Variants in CYP4F22 observed in about 807,000 individuals in gnomAD.
The protein encoded by CYP4F22 is cytochrome P450 family 4 subfamily F member 22, also known as ultra-long-chain fatty acid omega-hydroxylase.
A neutral mutation model predicts 60.4 loss-of-function variants in CYP4F22; 37 were observed. The observed-to-expected ratio is 0.61, with a 90% confidence interval of 0.47 to 0.81. CYP4F22 has a LOEUF of 0.81. Ranked by LOEUF, CYP4F22 falls within the 30% of genes least tolerant of loss-of-function variation. The probability of loss-of-function intolerance (pLI) is 0.00; values close to 1 mark genes in which losing one functional copy is unlikely to be tolerated. For missense variants in CYP4F22, 655 were observed against 715.0 expected (o/e 0.92, Z 0.96); for synonymous variants, 258 against 280.5 (o/e 0.92, Z 0.80).
At chr19:15,549,321 T>A in intron 12 of CYP4F22, 119 bp downstream of exon 12, 1 of 956,216 alleles carries the variant, frequency 1.0e-6, no homozygotes, top group Non-Finnish European at 1.7e-6. Context: ...CACTCCGCAT[T>A]TAGCCATTTA....
intron 1 of CYP4F22, chr19:15,516,665 A>T: frequency 2.2e-6 from 1 of 461,336 alleles, no homozygotes; most frequent in Middle Eastern, 3.8e-4. Context: ...ACTATGGCTG[A>T]TCAGAGGCGG....
At chr19:15,513,888 AATCGAGATGTAATTAATAGT>A (rs919425971) in intron 1 of CYP4F22, among the ~76,000 whole-genome samples, 3 of 152,234 alleles carry the variant, frequency 2.0e-5, no homozygotes, top group African/African-American at 4.8e-5. Flanking sequence ...TTTCAGCCCT[AATCGAGATGTAATTAATAGT>A]ATCGAGCACT....
chr19:15,518,170 C>T (rs112279353), intron 1 of CYP4F22, among the ~76,000 whole-genome samples: 2 of 152,148 alleles, frequency 1.3e-5, no homozygotes, highest in African/African-American at 4.8e-5. Flanking sequence ...GACCCCATCT[C>T]TACCAAGAAT....
intron 11 of CYP4F22, 90 bp from the exon 12 acceptor site, chr19:15,549,048 A>T (rs1278287317): frequency 1.4e-5 from 20 of 1,451,076 alleles, no homozygotes; most frequent in Non-Finnish European, 1.5e-5. Flanking sequence ...TCATGGGAAC[A>T]TCATGGCTCT....
At position 15,551,395 on chromosome 19, in the gene CYP4F22, G is replaced by T; in HGVS notation, c.1520G>T (p.Arg507Leu). 1 of 1,605,956 alleles carries T rather than the reference G, an allele frequency of 6.2e-7. No individual in the cohort carries two copies. The highest frequency in any genetic ancestry group is 8.5e-7 in the Non-Finnish European group (1 of 1,176,284). The change falls in exon 14 of 14, where the codon CGG becomes CTG. Residue 507 changes from arginine to leucine, a missense_variant. Arg to Leu is a moderately radical substitution (Grantham distance 102). Transcript: ENST00000269703. Reference protein sequence around the residue: ...RLSVDRTRKVRRKPELILRTE... With the variant: ...RLSVDRTRKVLRKPELILRTE... ...AGCGTGGACCGAACGCGCAAGGTGC[G>T]GCGGAAGCCGGAGCTCATACTGCGC...
In CYP4F22 at chr19:15,535,288, A is replaced by G. The variant is rs1198279978; in HGVS notation, c.368-2073A>G. Among the ~76,000 whole-genome samples the G allele has an allele frequency of 1.1e-4, 17 of 152,088 alleles. 1 individual carries two copies. Among genetic ancestry groups the G allele is most frequent in the Admixed American group, 1.1e-3 (17 of 15,262 alleles). ...GCCCCACTCAGGAGCTCCTCCAGGG[A>G]GGGCATAGAGCTGAGCCATCTGTGG... On this transcript the variant is annotated intron_variant, in intron 4 of 13. Coordinates refer to ENST00000269703, the MANE Select transcript of CYP4F22 (RefSeq NM_173483.4).
Position 15,539,317 on chromosome 19 carries a change from C to T in CYP4F22, c.672-1133C>T, listed in dbSNP as rs775779111. Among the ~76,000 whole-genome samples the T allele has an allele frequency of 2.6e-4, 40 of 152,200 alleles. 1 individual carries two copies. Among genetic ancestry groups the T allele is most frequent in the Admixed American group, 7.2e-4 (11 of 15,276 alleles). On this transcript the variant is annotated intron_variant, in intron 7 of 13. Coordinates refer to ENST00000269703, the MANE Select transcript of CYP4F22 (RefSeq NM_173483.4). The stretch of plus-strand genomic sequence containing the variant: ...ACAGACTTTTGTGTCTGGCTTGTTT[C>T]ACCCAGCATAATGTTTTAAAGGCTC...
chr19:15,521,277 G>A (rs1971222276), intron 1 of CYP4F22, among the ~76,000 whole-genome samples: 1 of 145,722 alleles, frequency 6.9e-6, no homozygotes, highest in Non-Finnish European at 1.5e-5. Flanking sequence ...TGTCACCCAG[G>A]CTGGAGTGCA....
intron 1 of CYP4F22, among the ~76,000 whole-genome samples, chr19:15,522,261 C>A (rs1971235269): frequency 6.6e-6 from 1 of 151,950 alleles, no homozygotes; most frequent in African/African-American, 2.4e-5. Context: ...TCAGTTGCAA[C>A]CATCTTAAGA....
At chr19:15,511,785 C>T (rs930806425) in intron 1 of CYP4F22, among the ~76,000 whole-genome samples, 3 of 152,214 alleles carry the variant, frequency 2.0e-5, no homozygotes, top group South Asian at 4.1e-4. Flanking sequence ...GGCCTGGGTC[C>T]GTGCCCTCCA....
At chr19:15,550,221 G>A (rs1424123841) in intron 12 of CYP4F22, among the ~76,000 whole-genome samples, 3 of 151,968 alleles carry the variant, frequency 2.0e-5, no homozygotes, top group Non-Finnish European at 1.5e-5. Context: ...GTGAGCCACC[G>A]CGCCCAGCCT....
Position 15,529,830 on chromosome 19 carries a change from T to A in CYP4F22, c.344T>A (p.Ile115Asn). 1 of 1,614,118 alleles carries A rather than the reference T, an allele frequency of 6.2e-7. No homozygotes were observed. The highest frequency in any genetic ancestry group is 1.1e-5 in the South Asian group (1 of 91,084). The change falls in exon 4 of 14, where the codon ATC becomes AAC. Residue 115 changes from isoleucine to asparagine, a missense_variant. By Grantham distance (149) the Ile-to-Asn change is moderately radical. Transcript: ENST00000269703. ...TTGGTTCTGGTGCACCCTGATTACA[T>A]CAAACCCCTTTTGGGAGCCTCAGGT... is the stretch of plus-strand genomic sequence containing the variant. ...PLLVLVHPDY[I>N]KPLLGASAAI...
rs547671119 is a variant in CYP4F22 at position 15,533,207 on chromosome 19, G to A, written c.367+3354G>A. On this transcript the variant is annotated intron_variant, in intron 4 of 13. Coordinates refer to ENST00000269703, the MANE Select transcript of CYP4F22 (RefSeq NM_173483.4). ...TTTATAGAGAACATGATGATATATA[G>A]ACATATAATTGTAGCTTGCTTTTAT... Among the ~76,000 whole-genome samples the A allele has an allele frequency of 3.3e-5, 5 of 152,276 alleles. No individual in the cohort carries two copies. In the South Asian group the frequency reaches 1.0e-3, roughly 32 times the overall value.
At chr19:15,545,617 C>G (rs1246550769) in intron 10 of CYP4F22, among the ~76,000 whole-genome samples, 1 of 134,486 alleles carries the variant, frequency 7.4e-6, no homozygotes, top group Admixed American at 8.1e-5. Flanking sequence ...CCACTGCACT[C>G]CAGCCTGGGT....
chr19:15,509,677 C>T (rs1186725167), intron 1 of CYP4F22, among the ~76,000 whole-genome samples: 1 of 152,072 alleles, frequency 6.6e-6, no homozygotes, highest in Non-Finnish European at 1.5e-5. Context: ...AAAAACAAGC[C>T]CTGTTTGACC....
At chr19:15,524,664 A>AGG (rs1354565315) in intron 2 of CYP4F22, among the ~76,000 whole-genome samples, 3 of 140,820 alleles carry the variant, frequency 2.1e-5, no homozygotes, top group East Asian at 2.0e-4. Flanking sequence ...GAAAGAAAGA[A>AGG]AGAAGGAGAG....
rs1299622995 is a variant in CYP4F22, at chr19:15,537,589, T to C, written c.476T>C (p.Leu159Pro). ...GDKWSRHRRL[L>P]TPAFHFDILK... ...AAGTGGAGCCGGCACCGTCGCCTGC[T>C]GACACCCGCCTTCCACTTTGACATC... The change falls in exon 6 of 14, where the codon CTG (leucine) becomes CCG (proline). Residue 159 changes from leucine (L) to proline (P), a missense_variant. By Grantham distance (98) the Leu-to-Pro change is moderately conservative. This residue lies in a region of CYP4F22 where 430 missense variants were observed against 457.1 expected (regional missense o/e 0.94). Coordinates refer to ENST00000269703, the MANE Select transcript of CYP4F22 (RefSeq NM_173483.4). 1 of 1,614,194 alleles carries C rather than the reference T, an allele frequency of 6.2e-7. No homozygotes were observed. The highest frequency in any genetic ancestry group is 1.7e-5 in the Admixed American group (1 of 60,020).
In CYP4F22 at chr19:15,523,799, GGTAC is replaced by G. The variant is rs1971250887; in HGVS notation, c.-2+1_-2+4del. On this transcript the variant is annotated splice_donor_variant and splice_donor_region_variant and intron_variant, in intron 2 of 13. Coordinates refer to ENST00000269703, the MANE Select transcript of CYP4F22 (RefSeq NM_173483.4). LOFTEE classifies it low-confidence loss of function (5UTR_SPLICE). ...AGTGAACCCAAAAGAATTGAAAACA[GGTAC>G]TCAGATAAATACATGTACACACATG... 2 of 152,184 alleles carry G rather than the reference GGTAC, an allele frequency of 1.3e-5. No individual in the cohort carries two copies. Among genetic ancestry groups the G allele is most frequent in the African/African-American group, 4.8e-5 (2 of 41,440 alleles). The allele number at this position is 152,184 out of a possible 1,614,324, so 9.4% of individuals were successfully genotyped here. A position where few individuals can be genotyped will look rare whatever the true frequency, so the allele number is the denominator to read the frequency against.
chr19:15,520,444 T>C (rs1366964911), intron 1 of CYP4F22, among the ~76,000 whole-genome samples: 11 of 151,050 alleles, frequency 7.3e-5, no homozygotes, highest in Non-Finnish European at 1.5e-4. Flanking sequence ...TCACCATTTA[T>C]TGGTGACAAA....
Sources: allele counts gnomAD v4.1 joint callset (sites outside exome capture counted in the v4.1 genomes callset), GRCh38; gene constraint gnomAD v4.1.1; regional missense constraint gnomAD v4.1.1; transcripts MANE v1.5; gene names NCBI Gene and HGNC (gene_info 2026-07-23, HGNC 2026-07-21).